Variants in TCF12 observed in about 807,000 individuals in gnomAD.
The protein encoded by TCF12 is DNA-binding protein HTF4.
A neutral mutation model predicts 86.0 loss-of-function variants in TCF12; 45 were observed. That is an observed-to-expected ratio of 0.52 (90% CI 0.41 to 0.67). The LOEUF is 0.67. Among genes scored for constraint, TCF12 ranks in the 30% least tolerant of loss-of-function variants. TCF12 has a pLI of 0.00. For missense variants in TCF12, 881 were observed against 859.9 expected (o/e 1.02, Z -0.31); for synonymous variants, 330 against 299.6 (o/e 1.10, Z -1.05).
chr15:57,228,160 CCTTTGAGACCA>C (rs1457297313), intron 8 of TCF12, among the ~76,000 whole-genome samples: 1 of 151,982 alleles, frequency 6.6e-6, no homozygotes, highest in Non-Finnish European at 1.5e-5. Context: ...GTTAATAAAG[CCTTTGAGACCA>C]CATCAGTTGT....
chr15:57,186,105 A>G (rs574240058), intron 6 of TCF12, among the ~76,000 whole-genome samples: 1 of 152,374 alleles, frequency 6.6e-6, no homozygotes, highest in South Asian at 2.1e-4. Context: ...ATTCCTAGAT[A>G]TAAACACACT....
At chr15:56,978,420 G>C (rs551091800) in intron 3 of TCF12, among the ~76,000 whole-genome samples, 1 of 152,200 alleles carries the variant, frequency 6.6e-6, no homozygotes, top group East Asian at 1.9e-4. Flanking sequence ...CAGAGTTAGT[G>C]AAAATAGTGA....
intron 6 of TCF12, among the ~76,000 whole-genome samples, chr15:57,177,733 A>G (rs183318475): frequency 1.9e-4 from 28 of 149,286 alleles, no homozygotes; most frequent in African/African-American, 6.9e-4. Flanking sequence ...TTATTTATTT[A>G]TTTTGTGAAA....
chr15:57,039,339 C>G (rs1454227849), intron 3 of TCF12, among the ~76,000 whole-genome samples: 1 of 152,138 alleles, frequency 6.6e-6, no homozygotes, highest in Non-Finnish European at 1.5e-5. Flanking sequence ...TCCTGCTTTA[C>G]CCTATTTCTG....
chr15:56,924,059 C>G (rs1226639594), intron 3 of TCF12, among the ~76,000 whole-genome samples: 1 of 151,788 alleles, frequency 6.6e-6, no homozygotes, highest in African/African-American at 2.4e-5. Context: ...TACTTACAGG[C>G]TTTTTGAAAA....
At chr15:57,012,583 C>T (rs1243575978) in intron 3 of TCF12, among the ~76,000 whole-genome samples, 2 of 152,188 alleles carry the variant, frequency 1.3e-5, no homozygotes, top group South Asian at 2.1e-4. Flanking sequence ...CCCTTTGGAT[C>T]AACATCTGTG....
chr15:57,146,162 C>A (rs913038598), intron 5 of TCF12, among the ~76,000 whole-genome samples: 5 of 152,176 alleles, frequency 3.3e-5, no homozygotes, highest in Admixed American at 1.3e-4. Flanking sequence ...CAGTCTTGTT[C>A]TCTGTGTAAA....
intron 13 of TCF12, among the ~76,000 whole-genome samples, chr15:57,249,414 TA>T (rs5812876): frequency 0.32 from 48,112 of 149,516 alleles, 9,016 homozygotes; most frequent in African/African-American, 0.51. Flanking sequence ...TGCTCATAAG[TA>T]AAAAAAAAAA....
chr15:56,983,525 T>C (rs1011617378), intron 3 of TCF12, among the ~76,000 whole-genome samples: 1 of 152,190 alleles, frequency 6.6e-6, no homozygotes, highest in African/African-American at 2.4e-5. Context: ...AAAAACTGTA[T>C]TAGTGGTAAA....
intron 5 of TCF12, among the ~76,000 whole-genome samples, chr15:57,154,099 C>G (rs2053954495): frequency 6.6e-6 from 1 of 151,828 alleles, no homozygotes; most frequent in African/African-American, 2.4e-5. Flanking sequence ...AGACTTAAAT[C>G]CAGCCATATC....
At chr15:57,037,203 C>T (rs1260938063) in intron 3 of TCF12, among the ~76,000 whole-genome samples, 1 of 152,134 alleles carries the variant, frequency 6.6e-6, no homozygotes, top group Non-Finnish European at 1.5e-5. Context: ...AATCCCAGCA[C>T]TTTGGGAGGC....
intron 6 of TCF12, among the ~76,000 whole-genome samples, chr15:57,172,903 C>G (rs1274192135): frequency 1.3e-5 from 2 of 151,186 alleles, no homozygotes; most frequent in Non-Finnish European, 2.9e-5. Flanking sequence ...GAGTTCAAGA[C>G]CAGACTGAGC....
intron 1 of TCF12, chr15:56,919,518 T>C (rs1225962824): frequency 6.0e-6 from 1 of 166,302 alleles, no homozygotes; most frequent in African/African-American, 2.4e-5. Flanking sequence ...GGACGCCGAA[T>C]TGCCCCTCAC....
intron 5 of TCF12, among the ~76,000 whole-genome samples, chr15:57,107,761 G>C (rs2733328): frequency 6.6e-6 from 1 of 151,860 alleles, no homozygotes. Flanking sequence ...TTTAAGAAAT[G>C]AGCTGGGTTG....
At chr15:57,176,278 G>C (rs1422585644) in intron 6 of TCF12, among the ~76,000 whole-genome samples, 9 of 152,142 alleles carry the variant, frequency 5.9e-5, no homozygotes, top group Non-Finnish European at 1.5e-5. Context: ...CTTTCCAAAT[G>C]GTGTTGATGA....
chr15:57,097,237 C>A (rs1381645080), intron 5 of TCF12, among the ~76,000 whole-genome samples: 1 of 152,106 alleles, frequency 6.6e-6, no homozygotes, highest in Non-Finnish European at 1.5e-5. Context: ...TACAACCCTG[C>A]CCTCAAAAGT....
At chr15:57,212,021 G>A (rs2058131820) in intron 8 of TCF12, among the ~76,000 whole-genome samples, 1 of 150,788 alleles carries the variant, frequency 6.6e-6, no homozygotes, top group Non-Finnish European at 1.5e-5. Flanking sequence ...TAAGATTGGT[G>A]TGGACACCTG....
rs1348635880 is a variant in TCF12 at position 57,288,401 on chromosome 15, C to T, written c.*2256C>T. The T allele has an allele frequency of 6.6e-6, 1 of 152,584 alleles. No individual in the cohort carries two copies. Among genetic ancestry groups the T allele is most frequent in the Admixed American group, 6.6e-5 (1 of 15,264 alleles). The allele number at this position is 152,584 out of a possible 1,614,324, so 9.5% of individuals were successfully genotyped here. On this transcript the variant is annotated 3_prime_UTR_variant, in exon 21 of 21. Transcript: ENST00000333725. ...TCAAATTCAAGGTATTATTGATAAA[C>T]CTTTTCAACCAGCAGCAAGAAGTTC...
chr15:57,234,776 C>A (rs2151936655), intron 12 of TCF12, among the ~76,000 whole-genome samples: 1 of 152,332 alleles, frequency 6.6e-6, no homozygotes, highest in South Asian at 2.1e-4. Context: ...AGTAAATCTA[C>A]AACAGTTTCA....
Sources: gnomAD v4.1 joint callset for allele counts (sites outside exome capture counted in the v4.1 genomes callset) on GRCh38, gnomAD v4.1.1 for gene constraint, MANE v1.5 for transcripts, NCBI Gene and HGNC (gene_info 2026-07-23, HGNC 2026-07-21) for gene names.